Variants in GART observed in about 807,000 individuals in gnomAD.
The protein encoded by GART is phosphoribosylglycinamide formyltransferase, phosphoribosylglycinamide synthetase, phosphoribosylaminoimidazole synthetase, also known as trifunctional purine biosynthetic protein adenosine-3.
In GART, 43 loss-of-function variants were observed where a neutral mutation model predicts 107.2. The ratio of observed to expected loss-of-function variants is 0.40; its 90% CI spans 0.31 to 0.52. The LOEUF (loss-of-function observed/expected upper bound fraction) is 0.52, where lower values mean the gene tolerates loss of function less well. Among genes scored for constraint, GART ranks in the 20% least tolerant of loss-of-function variants. The pLI, the probability that GART is intolerant of heterozygous loss-of-function variation, is 0.52. For missense variants in GART, 1,107 were observed against 1,206.5 expected (o/e 0.92, Z 1.22); for synonymous variants, 434 against 427.0 (o/e 1.02, Z -0.20).
In GART at chr21:33,511,351, G is replaced by A; in HGVS notation, c.2215C>T (p.Leu739Phe). 6.2e-7 allele frequency: 1 copy of A among 1,614,130 alleles called. No individual in the cohort carries two copies. Among genetic ancestry groups the A allele is most frequent in the Non-Finnish European group, 8.5e-7 (1 of 1,180,030 alleles). Residue 739 changes from leucine to phenylalanine, a missense_variant, in exon 17 of 22, where the codon CTT becomes TTT. By Grantham distance (22) the Leu-to-Phe change is conservative. Coordinates refer to ENST00000381815, the MANE Select transcript of GART (RefSeq NM_000819.5). ...TCTGTCTGCTCCTTTGATACCACAA[G>A]GACAGCGCCAACCCCACAGTTAAAT... ...RTFNCGVGAV[L>F]VVSKEQTEQI...
At chr21:33,524,712 T>G in intron 11 of GART, 57 bp downstream of exon 11, 1 of 1,610,058 alleles carries the variant, frequency 6.2e-7, no homozygotes, top group Middle Eastern at 1.7e-4. Context: ...ATGTTCTACA[T>G]AGCCATTTAG....
intron 2 of GART, among the ~76,000 whole-genome samples, chr21:33,536,123 AC>A (rs1351212228): frequency 1.3e-5 from 2 of 152,180 alleles, no homozygotes; most frequent in Non-Finnish European, 1.5e-5. Flanking sequence ...AAACATACAA[AC>A]AAAAAAACAG....
chr21:33,519,815 G>C (rs112088868), intron 14 of GART, among the ~76,000 whole-genome samples: 5,869 of 133,156 alleles, frequency 0.044, 314 homozygotes, highest in African/African-American at 0.14. Flanking sequence ...GTGACAGAGA[G>C]AGATTCCCTT....
In GART at chr21:33,504,421, G is replaced by C. The variant is rs768315453; in HGVS notation, c.2832C>G (p.His944Gln). ...AAAAAGACATACTCACAGCTACAAA[G>C]TGTACAGTGCACCCAGTAACTGTGA... Reference protein sequence around the residue: ...TGVTVTGCTVHFVAEDVDAGQ... With the variant: ...TGVTVTGCTVQFVAEDVDAGQ... Residue 944 changes from histidine to glutamine, a missense_variant, in exon 21 of 22, where the codon CAC becomes CAG. His to Gln is a conservative substitution (Grantham distance 24). Transcript: ENST00000381815. The C allele has an allele frequency of 6.2e-7, 1 of 1,613,678 alleles. No individual in the cohort carries two copies. Among genetic ancestry groups the C allele is most frequent in the Admixed American group, 1.7e-5 (1 of 60,004 alleles).
intron 6 of GART, 98 bp downstream of exon 6, chr21:33,531,391 G>A (rs1371139412): frequency 9.7e-7 from 1 of 1,033,902 alleles, no homozygotes; most frequent in Non-Finnish European, 1.4e-6. Context: ...TATGTTTTTA[G>A]ATGAAGCAAC....
chr21:33,525,757 A>G (rs1257512366), intron 10 of GART, among the ~76,000 whole-genome samples: 2 of 152,148 alleles, frequency 1.3e-5, no homozygotes, highest in African/African-American at 4.8e-5. Flanking sequence ...ATGACAACCT[A>G]AATTCTTGTG....
rs1051826343 is a variant in GART at position 33,524,110 on chromosome 21, C to T, written c.1298+659G>A. 72 of 984,618 alleles carry T rather than the reference C, an allele frequency of 7.3e-5. No homozygotes were observed. The Admixed American group carries it at 1.7e-3, about 24-fold the overall frequency. The allele number at this position is 984,618 out of a possible 1,614,324, so 61.0% of individuals were successfully genotyped here. Reference sequence around the variant, plus strand: ...AATACATTTTAGTAATAGATACAAACGCAGTGATAAAATGAGACTGTCAAA... The same window carrying T: ...AATACATTTTAGTAATAGATACAAATGCAGTGATAAAATGAGACTGTCAAA... On this transcript the variant is annotated intron_variant, in intron 11 of 21. Coordinates refer to ENST00000381815, the MANE Select transcript of GART (RefSeq NM_000819.5).
At position 33,517,598 on chromosome 21, in the gene GART, T is replaced by A; in HGVS notation, c.1713A>T (p.Thr571=). 1 of 1,614,220 alleles carries A rather than the reference T, an allele frequency of 6.2e-7. No individual in the cohort carries two copies. Among genetic ancestry groups the A allele is most frequent in the Non-Finnish European group, 8.5e-7 (1 of 1,180,018 alleles). ...GGGGATACATGTCAGGCATTTCTGC[T>A]GTTTCACCTCCTGGTGGGATAAGAC... ...KAGCALLGGE[T]AEMPDMYPPG... is the part of the protein sequence containing the mutation. The change falls in exon 15 of 22, where the codon ACA becomes ACT. Residue 571 remains threonine (T), a synonymous_variant. Transcript: ENST00000381815.
chr21:33,539,264 C>A lies in GART; in HGVS notation c.52G>T (p.Ala18Ser), dbSNP rs1342455671. Residue 18 changes from alanine to serine, a missense_variant, in exon 2 of 22, where the codon GCC (alanine) becomes TCC (serine). Ala to Ser is a moderately conservative substitution (Grantham distance 99, BLOSUM62 1). Transcript: ENST00000381815. ...TGATGAGACTGTGCAAGTTTCCAGG[C>A]CAGCGTATGTTCCCTTCCTCCACTG... Reference protein sequence around the residue: ...IGSGGREHTLAWKLAQSHHVK... With the variant: ...IGSGGREHTLSWKLAQSHHVK... 1 of 1,614,032 alleles carries A rather than the reference C, an allele frequency of 6.2e-7. No homozygotes were observed. Among genetic ancestry groups the A allele is most frequent in the Non-Finnish European group, 8.5e-7 (1 of 1,179,996 alleles).
At chr21:33,510,856 T>C (rs1422266687) in intron 17 of GART, among the ~76,000 whole-genome samples, 1 of 152,174 alleles carries the variant, frequency 6.6e-6, no homozygotes, top group Non-Finnish European at 1.5e-5. Flanking sequence ...ACGTCTTTGT[T>C]AGTGAATCTG....
intron 16 of GART, among the ~76,000 whole-genome samples, chr21:33,516,662 G>C (rs933404254): frequency 2.6e-5 from 4 of 152,120 alleles, no homozygotes; most frequent in Admixed American, 2.6e-4. Context: ...CTCGAATATG[G>C]ATTACTTAAT....
intron 5 of GART, 197 bp from the exon 6 acceptor site, chr21:33,531,754 C>T (rs2145746691): frequency 5.4e-6 from 3 of 551,906 alleles, no homozygotes; most frequent in African/African-American, 1.9e-5. Context: ...GTGTAGCTAA[C>T]ACTGGTACAG....
At chr21:33,535,198 G>C (rs1172083251) in intron 3 of GART, 27 bp downstream of exon 3, 2 of 1,427,878 alleles carry the variant, frequency 1.4e-6, no homozygotes, top group East Asian at 2.3e-5. Flanking sequence ...TGAATATACT[G>C]TAACAATAAA....
chr21:33,540,800 T>A (rs1248510520), intron 1 of GART, among the ~76,000 whole-genome samples: 1 of 152,188 alleles, frequency 6.6e-6, no homozygotes, highest in Non-Finnish European at 1.5e-5. Context: ...AAAACTAACA[T>A]TTTTTTGAGC....
chr21:33,528,984 G>T, intron 7 of GART, 47 bp from the exon 8 acceptor site: 5 of 1,300,386 alleles, frequency 3.8e-6, no homozygotes, highest in Non-Finnish European at 5.6e-6. Flanking sequence ...AACTTAAAAA[G>T]TCTAAGTAGT....
rs1023147 is a variant in GART at position 33,515,864 on chromosome 21, G to A, written c.2107+1125C>T. ...ATCTATGTCCAGCAAACTGACTTTT[G>A]ACCTAACTCTAAAATACACTGGTCT... On this transcript the variant is annotated intron_variant, in intron 16 of 21. Coordinates refer to ENST00000381815, the MANE Select transcript of GART (RefSeq NM_000819.5). 7.2e-5 allele frequency among the ~76,000 whole-genome samples: 11 copies of A among 151,826 alleles called. 1 individual carries two copies. Among genetic ancestry groups the A allele is most frequent in the East Asian group, 5.8e-4 (3 of 5,176 alleles).
chr21:33,534,044 C>A (rs1400837712), intron 4 of GART, among the ~76,000 whole-genome samples: 1 of 152,146 alleles, frequency 6.6e-6, no homozygotes, highest in Non-Finnish European at 1.5e-5. Flanking sequence ...TCCTGCAAGG[C>A]CACAAGATCA....
At chr21:33,530,569 C>A in intron 7 of GART, 190 bp downstream of exon 7, 1 of 465,588 alleles carries the variant, frequency 2.1e-6, no homozygotes, top group Non-Finnish European at 3.3e-6. Flanking sequence ...TATTTTAGTT[C>A]TTCAAAAAAG....
At chr21:33,506,427 C>T (rs918639879) in intron 18 of GART, among the ~76,000 whole-genome samples, 15 of 152,160 alleles carry the variant, frequency 9.9e-5, no homozygotes, top group African/African-American at 3.1e-4. Flanking sequence ...CAGGCATGAG[C>T]CACCGCGCCC....
Sources: gnomAD v4.1 joint callset for allele counts (sites outside exome capture counted in the v4.1 genomes callset) on GRCh38, gnomAD v4.1.1 for gene constraint, MANE v1.5 for transcripts, NCBI Gene and HGNC (gene_info 2026-07-23, HGNC 2026-07-21) for gene names.